Variants in TRPM3 observed in about 807,000 individuals in gnomAD.
TRPM3 encodes the protein long transient receptor potential channel 3.
Under a neutral mutation model 181.2 loss-of-function variants are expected in TRPM3, and 77 were observed. That is an observed-to-expected ratio of 0.42 (90% CI 0.35 to 0.51). TRPM3 has a LOEUF of 0.51. Ranked by LOEUF, TRPM3 falls within the 20% of genes least tolerant of loss-of-function variation. TRPM3 has a pLI of 0.01. For missense variants in TRPM3, 1,759 were observed against 2,196.7 expected (o/e 0.80, Z 3.98); for synonymous variants, 745 against 796.4 (o/e 0.94, Z 1.09).
intron 8 of TRPM3, among the ~76,000 whole-genome samples, chr9:70,701,943 C>T (rs930208659): frequency 7.1e-6 from 1 of 140,342 alleles, no homozygotes; most frequent in African/African-American, 2.7e-5. Flanking sequence ...AGACTATCTA[C>T]TGAAAGTCAC....
At chr9:70,931,671 GAT>G (rs2096776537) in intron 1 of TRPM3, among the ~76,000 whole-genome samples, 1 of 151,992 alleles carries the variant, frequency 6.6e-6, no homozygotes, top group Non-Finnish European at 1.5e-5. Flanking sequence ...TCTGGAGAGA[GAT>G]ATTTTCCCCA....
intron 1 of TRPM3, among the ~76,000 whole-genome samples, chr9:71,405,156 C>T (rs1243061358): frequency 1.3e-5 from 2 of 152,156 alleles, no homozygotes; most frequent in Admixed American, 1.3e-4. Flanking sequence ...TATTTGCCAA[C>T]TGGTAAGTAA....
chr9:70,618,665 C>T (rs1011390978), intron 17 of TRPM3, among the ~76,000 whole-genome samples: 12 of 152,226 alleles, frequency 7.9e-5, no homozygotes, highest in African/African-American at 2.9e-4. Flanking sequence ...GCTAATGCAG[C>T]AGGACCCAGG....
At chr9:71,101,132 T>C (rs753624576) in intron 1 of TRPM3, among the ~76,000 whole-genome samples, 4 of 152,194 alleles carry the variant, frequency 2.6e-5, no homozygotes, top group Non-Finnish European at 5.9e-5. Context: ...TTACTGCCTC[T>C]ACTTCTGACT....
intron 1 of TRPM3, among the ~76,000 whole-genome samples, chr9:71,431,223 C>G (rs2093949494): frequency 6.6e-6 from 1 of 152,014 alleles, no homozygotes; most frequent in Non-Finnish European, 1.5e-5. Flanking sequence ...AACAAGTGTT[C>G]CGTAAGTTTC....
intron 1 of TRPM3, among the ~76,000 whole-genome samples, chr9:71,335,997 C>A (rs1195522902): frequency 1.3e-5 from 2 of 151,972 alleles, no homozygotes; most frequent in Non-Finnish European, 2.9e-5. Flanking sequence ...CTCCAGCCTA[C>A]CAATCAATTC....
intron 1 of TRPM3, among the ~76,000 whole-genome samples, chr9:70,902,619 A>G (rs1452953216): frequency 6.6e-6 from 1 of 152,278 alleles, no homozygotes; most frequent in Non-Finnish European, 1.5e-5. Context: ...CCTTCTTCCA[A>G]AGAAACTACA....
At chr9:70,834,190 T>A (rs1037267925) in intron 5 of TRPM3, among the ~76,000 whole-genome samples, 1 of 152,172 alleles carries the variant, frequency 6.6e-6, no homozygotes, top group Admixed American at 6.5e-5. Flanking sequence ...TTCCAAAGAC[T>A]GCCCAGATAC....
chr9:70,928,160 T>A (rs1474439988), intron 1 of TRPM3, among the ~76,000 whole-genome samples: 2 of 152,194 alleles, frequency 1.3e-5, no homozygotes, highest in Admixed American at 1.3e-4. Flanking sequence ...CTTCCGTGAC[T>A]TATGAAGTGG....
At chr9:71,277,631 A>G (rs1045465039) in intron 1 of TRPM3, among the ~76,000 whole-genome samples, 1 of 152,002 alleles carries the variant, frequency 6.6e-6, no homozygotes, top group Non-Finnish European at 1.5e-5. Context: ...TAGTCTGCAA[A>G]ATATTCTCCT....
At chr9:71,129,895 A>G (rs757141934) in intron 1 of TRPM3, among the ~76,000 whole-genome samples, 3 of 152,104 alleles carry the variant, frequency 2.0e-5, no homozygotes, top group Non-Finnish European at 4.4e-5. Context: ...CCTACCTTCT[A>G]GTTACATCTG....
intron 8 of TRPM3, among the ~76,000 whole-genome samples, chr9:70,757,103 A>G (rs576299463): frequency 6.6e-6 from 1 of 152,340 alleles, no homozygotes; most frequent in South Asian, 2.1e-4. Context: ...CTAATAAAGA[A>G]GAAAAGAGAG....
At position 71,097,777 on chromosome 9, in the gene TRPM3, A is replaced by T. The variant is rs143901539; in HGVS notation, c.177+23401T>A. 3.3e-3 allele frequency among the ~76,000 whole-genome samples: 505 copies of T among 152,288 alleles called. 2 individuals are homozygous for T. Among genetic ancestry groups the T allele is most frequent in the Non-Finnish European group, 5.4e-3 (367 of 68,018 alleles). ...AAAATCACCAATCAGTGGTTTTAAA[A>T]TACTTTGCCAACAGATGAAATACTT... On this transcript the variant is annotated intron_variant, in intron 1 of 25. Transcript: ENST00000677713.
At chr9:71,164,378 G>A (rs777453191) in intron 1 of TRPM3, among the ~76,000 whole-genome samples, 1 of 152,180 alleles carries the variant, frequency 6.6e-6, no homozygotes, top group Non-Finnish European at 1.5e-5. Flanking sequence ...AGTGTCACAA[G>A]AGTTGAGTTT....
intron 7 of TRPM3, 33 bp from the exon 8 acceptor site, chr9:70,761,757 A>C (rs765415955): frequency 6.3e-7 from 1 of 1,591,020 alleles, no homozygotes; most frequent in South Asian, 1.1e-5. Context: ...AAGCAGGTCA[A>C]CCAACTCCTA....
rs146507591 is a variant in TRPM3 at position 70,744,053 on chromosome 9, C to T, written c.1272+17548G>A. On this transcript the variant is annotated intron_variant, in intron 8 of 25. Coordinates refer to ENST00000677713, the MANE Select transcript of TRPM3 (RefSeq NM_001366145.2). ...AGTGGGATTGAAAATCAAATGGGGCCGGGCACAGTGGCTCACGTAATCCCA... is the reference window on the plus strand; with the variant it reads ...AGTGGGATTGAAAATCAAATGGGGCTGGGCACAGTGGCTCACGTAATCCCA... Among the ~76,000 whole-genome samples, 774 of 151,942 alleles carry T rather than the reference C, an allele frequency of 5.1e-3. 10 individuals are homozygous for T. Among genetic ancestry groups the T allele is most frequent in the African/African-American group, 0.018 (735 of 41,444 alleles).
intron 1 of TRPM3, among the ~76,000 whole-genome samples, chr9:70,892,358 T>C (rs1010195630): frequency 9.9e-5 from 15 of 152,016 alleles, no homozygotes; most frequent in Non-Finnish European, 2.9e-5. Flanking sequence ...TACCTAGAAA[T>C]AGGGTGATTA....
At chr9:71,183,055 T>G (rs1375636542) in intron 1 of TRPM3, among the ~76,000 whole-genome samples, 4 of 152,146 alleles carry the variant, frequency 2.6e-5, no homozygotes, top group Non-Finnish European at 5.9e-5. Context: ...ATTAAGTAAT[T>G]TGGTGGTATA....
chr9:71,241,997 G>C (rs1432681694), intron 1 of TRPM3, among the ~76,000 whole-genome samples: 1 of 152,210 alleles, frequency 6.6e-6, no homozygotes, highest in African/African-American at 2.4e-5. Context: ...CAGAATGACT[G>C]AGATATATTA....
Sources: gnomAD v4.1 joint callset for allele counts (sites outside exome capture counted in the v4.1 genomes callset) on GRCh38, gnomAD v4.1.1 for gene constraint, MANE v1.5 for transcripts, NCBI Gene and HGNC (gene_info 2026-07-23, HGNC 2026-07-21) for gene names.